The following FUT8 variants were observed in gnomAD, a reference collection of about 807,000 sequenced individuals.
The protein encoded by FUT8 is alpha-(1,6)-fucosyltransferase.
In FUT8, 29 loss-of-function variants were observed where a neutral mutation model predicts 71.3. The observed-to-expected ratio is 0.41, with a 90% CI of 0.30 to 0.55. The LOEUF is 0.55. Ranked by LOEUF, FUT8 falls within the 20% of genes least tolerant of loss-of-function variation. The pLI is 0.34. For synonymous variants in FUT8, 254 were observed against 239.3 expected (o/e 1.06, Z -0.57); for missense variants, 544 against 702.1 (o/e 0.77, Z 2.55).
chr14:65,708,789 G>A (rs569203689), intron 7 of FUT8, among the ~76,000 whole-genome samples: 6 of 152,248 alleles, frequency 3.9e-5, no homozygotes, highest in African/African-American at 4.8e-5. Flanking sequence ...ATCTAAAAAC[G>A]TTGATCTCAT....
intron 5 of FUT8, chr14:65,617,329 T>C (rs931314915): frequency 9.2e-6 from 9 of 978,002 alleles, no homozygotes; most frequent in African/African-American, 3.4e-5. Context: ...TACAGAAATA[T>C]GATAGCATGG....
chr14:65,658,179 A>G (rs1891781115), intron 6 of FUT8, among the ~76,000 whole-genome samples: 1 of 152,174 alleles, frequency 6.6e-6, no homozygotes, highest in African/African-American at 2.4e-5. Flanking sequence ...TGCAAAAGAC[A>G]TATACAGATG....
At chr14:65,392,881 T>C in the FUT8 span, among the ~76,000 whole-genome samples, 2 of 152,214 alleles carry the variant, frequency 1.3e-5, no homozygotes, top group African/African-American at 2.4e-5. Flanking sequence ...ATCTGAGTTT[T>C]AGAAAACAAC....
chr14:65,617,035 TAC>T, intron 5 of FUT8: 1 of 1,539,518 alleles, frequency 6.5e-7, no homozygotes, highest in South Asian at 1.3e-5. Context: ...TCATTATAAA[TAC>T]AGTGAAACCT....
Position 65,607,856 on chromosome 14 carries a change from G to T in FUT8, c.204-8122G>T, listed in dbSNP as rs1487527589. Reference sequence around the variant, plus strand: ...AAGTGGGCAGATCATGAGGTCAGGAGATCGAGACCATTACTGGCCAACATG... The same window carrying T: ...AAGTGGGCAGATCATGAGGTCAGGATATCGAGACCATTACTGGCCAACATG... On this transcript the variant is annotated intron_variant, in intron 3 of 10. Transcript: ENST00000673929. The surrounding 1 kb of genome is among the most constrained non-coding windows in gnomAD (Gnocchi z 4.1). 6.6e-6 allele frequency among the ~76,000 whole-genome samples: 1 copy of T among 151,798 alleles called. No individual in the cohort carries two copies. Among genetic ancestry groups the T allele is most frequent in the African/African-American group, 2.4e-5 (1 of 41,382 alleles).
intron 6 of FUT8, chr14:65,646,219 A>G (rs1004512209): frequency 6.6e-6 from 1 of 152,216 alleles, no homozygotes; most frequent in African/African-American, 2.4e-5. Flanking sequence ...AGCTCTTCCC[A>G]TTGAACTAGG....
At chr14:65,374,208 ATTTCT>A in the FUT8 span, among the ~76,000 whole-genome samples, 2 of 152,128 alleles carry the variant, frequency 1.3e-5, no homozygotes, top group African/African-American at 2.4e-5. Context: ...TCATTTAAAA[ATTTCT>A]TTGCTGAGTT....
At chr14:65,442,889 A>G (rs2139495579) in intron 1 of FUT8, among the ~76,000 whole-genome samples, 1 of 152,124 alleles carries the variant, frequency 6.6e-6, no homozygotes, top group East Asian at 1.9e-4. Context: ...TTACTCATGC[A>G]CCATAAAAGT....
At chr14:65,411,812 CCACT>C, upstream of FUT8, 1 of 342,210 alleles carries the variant, frequency 2.9e-6, no homozygotes, top group Non-Finnish European at 5.7e-6. Context: ...GGCTCGCACT[CCACT>C]CACGCGGCGC....
chr14:65,672,752 T>G (rs1892530776), intron 7 of FUT8, among the ~76,000 whole-genome samples: 1 of 152,224 alleles, frequency 6.6e-6, no homozygotes, highest in African/African-American at 2.4e-5. Flanking sequence ...TGAGCCACTG[T>G]GCCTGGCCTC....
chr14:65,462,680 T>C (rs1451019054), intron 2 of FUT8, among the ~76,000 whole-genome samples: 2 of 152,242 alleles, frequency 1.3e-5, no homozygotes, highest in East Asian at 1.9e-4. Context: ...GTTGAAAGTA[T>C]GTAATAATTA....
rs79531372 is a variant in FUT8, at chr14:65,573,479, A to T, written c.203+11713A>T. Among the ~76,000 whole-genome samples, 760 of 152,268 alleles carry T rather than the reference A, an allele frequency of 5.0e-3. 11 individuals are homozygous for T. Among genetic ancestry groups the T allele is most frequent in the African/African-American group, 0.017 (721 of 41,536 alleles). On this transcript the variant is annotated intron_variant, in intron 3 of 10. Coordinates refer to ENST00000673929, the MANE Select transcript of FUT8 (RefSeq NM_001371533.1). The stretch of plus-strand genomic sequence containing the variant: ...GAAGAGAAAGTAAAATTTTTTATAA[A>T]TCAAAAAGTATAAACCATTAATATT...
At chr14:65,583,866 G>A (rs1887222547) in intron 3 of FUT8, among the ~76,000 whole-genome samples, 1 of 152,022 alleles carries the variant, frequency 6.6e-6, no homozygotes, top group Admixed American at 6.6e-5. Flanking sequence ...ATCCGAATTA[G>A]CCAGCTAAGA....
intron 7 of FUT8, among the ~76,000 whole-genome samples, chr14:65,703,507 C>G (rs1006368140): frequency 3.9e-5 from 6 of 152,236 alleles, no homozygotes; most frequent in African/African-American, 1.4e-4. Context: ...AATTAGCTCT[C>G]TTTCTAGAGA....
intron 2 of FUT8, among the ~76,000 whole-genome samples, chr14:65,486,210 C>T (rs536209598): frequency 6.6e-6 from 1 of 152,214 alleles, no homozygotes; most frequent in South Asian, 2.1e-4. Flanking sequence ...AAAAATCCCC[C>T]CAATTATTCT....
chr14:65,628,435 A>G (rs1179620720), intron 5 of FUT8, among the ~76,000 whole-genome samples: 1 of 152,184 alleles, frequency 6.6e-6, no homozygotes, highest in Non-Finnish European at 1.5e-5. Flanking sequence ...GCAATGGTGG[A>G]AGCAGGGAGA....
chr14:65,444,631 C>T (rs1043259436), intron 1 of FUT8, among the ~76,000 whole-genome samples: 5 of 152,090 alleles, frequency 3.3e-5, no homozygotes, highest in African/African-American at 4.8e-5. Context: ...ACTGTTGATA[C>T]GTGTGTTGTA....
At chr14:65,439,954 G>GTACGTATATATATA (rs1378430231) in intron 1 of FUT8, among the ~76,000 whole-genome samples, 1 of 74,982 alleles carries the variant, frequency 1.3e-5, no homozygotes, top group Non-Finnish European at 2.5e-5. Flanking sequence ...GTGTGTGTGT[G>GTACGTATATATATA]TATATATATA....
intron 2 of FUT8, among the ~76,000 whole-genome samples, chr14:65,527,550 T>G (rs944595932): frequency 9.2e-5 from 14 of 152,218 alleles, no homozygotes; most frequent in Non-Finnish European, 1.5e-5. Flanking sequence ...GTCTGAAGCC[T>G]CTTATCTCAA....
Sources: gnomAD v4.1 joint callset for allele counts (sites outside exome capture counted in the v4.1 genomes callset) on GRCh38, gnomAD v4.1.1 for gene constraint, Gnocchi (gnomAD v3.1) non-coding constraint, MANE v1.5 for transcripts, NCBI Gene and HGNC (gene_info 2026-07-23, HGNC 2026-07-21) for gene names.